Variants in FZD3 observed in about 807,000 individuals in gnomAD.
The protein encoded by FZD3 is frizzled class receptor 3, also known as frizzled-3.
FZD3 carries 30 observed loss-of-function variants against 60.7 expected under a neutral mutation model. That is an observed-to-expected ratio of 0.49 (90% CI 0.37 to 0.67). The LOEUF is 0.67. Among genes scored for constraint, FZD3 ranks in the 30% least tolerant of loss-of-function variants. FZD3 has a pLI of 0.00. For synonymous variants in FZD3, 246 were observed against 275.2 expected (o/e 0.89, Z 1.05); for missense variants, 605 against 838.7 (o/e 0.72, Z 3.44).
chr8:28,512,583 G>A (rs1390146637), intron 3 of FZD3, among the ~76,000 whole-genome samples: 1 of 151,834 alleles, frequency 6.6e-6, no homozygotes, highest in African/African-American at 2.4e-5. Context: ...AGTAAAACTA[G>A]TAAAGAAATT....
intron 6 of FZD3, 113 bp from the exon 7 acceptor site, chr8:28,555,625 C>G: frequency 1.5e-6 from 1 of 684,224 alleles, no homozygotes. Context: ...TCCTATAGAT[C>G]TAATTTGGCA....
At chr8:28,543,270 A>G (rs935129985) in intron 5 of FZD3, among the ~76,000 whole-genome samples, 3 of 151,788 alleles carry the variant, frequency 2.0e-5, no homozygotes, top group African/African-American at 4.8e-5. Context: ...ACAAATAATT[A>G]TTTTTCTTCA....
At chr8:28,556,978 A>T (rs1199003784) in intron 7 of FZD3, among the ~76,000 whole-genome samples, 2 of 152,170 alleles carry the variant, frequency 1.3e-5, no homozygotes, top group African/African-American at 4.8e-5. Flanking sequence ...CTTTTGAGAG[A>T]TGATAAAGGC....
At chr8:28,555,054 T>C (rs1375237932) in intron 6 of FZD3, among the ~76,000 whole-genome samples, 2 of 152,188 alleles carry the variant, frequency 1.3e-5, no homozygotes, top group African/African-American at 4.8e-5. Context: ...AGTTAAAATT[T>C]TTTGTTCTTA....
intron 5 of FZD3, among the ~76,000 whole-genome samples, chr8:28,547,794 G>A (rs1805327828): frequency 6.6e-6 from 1 of 150,750 alleles, no homozygotes; most frequent in African/African-American, 2.4e-5. Flanking sequence ...ATTGTCTTTT[G>A]GCTGTTGTTA....
chr8:28,508,266 G>A (rs1326694914), intron 3 of FZD3, among the ~76,000 whole-genome samples: 11 of 151,894 alleles, frequency 7.2e-5, no homozygotes, highest in East Asian at 1.9e-4. Context: ...ATTCAAGCTC[G>A]CTTCATAAAA....
intron 5 of FZD3, among the ~76,000 whole-genome samples, chr8:28,530,161 T>C (rs1804831355): frequency 6.6e-6 from 1 of 150,950 alleles, no homozygotes; most frequent in South Asian, 2.1e-4. Context: ...ATTAATAGTG[T>C]TTTCTGAGAA....
chr8:28,515,485 T>C (rs1377446019), intron 3 of FZD3, among the ~76,000 whole-genome samples: 1 of 152,250 alleles, frequency 6.6e-6, no homozygotes, highest in Non-Finnish European at 1.5e-5. Flanking sequence ...GGCATACTTC[T>C]GTGTCTTCTC....
rs1805759872 is a variant in FZD3, at chr8:28,569,196, C to A, written c.*6185C>A. On this transcript the variant is annotated 3_prime_UTR_variant, in exon 8 of 8. Transcript: ENST00000240093. ...TGTGCTTATTGGTTTTTTTTTTTAA[C>A]TTAGAGCTTAATAATTTCTATTTTC... 7.0e-6 allele frequency: 1 copy of A among 143,634 alleles called. No homozygotes were observed. Among genetic ancestry groups the A allele is most frequent in the Non-Finnish European group, 1.5e-5 (1 of 65,768 alleles). 8.9% of individuals were successfully genotyped at this position (143,634 alleles called of 1,614,324 possible).
At chr8:28,516,613 A>T (rs1406469085) in intron 3 of FZD3, among the ~76,000 whole-genome samples, 2 of 152,134 alleles carry the variant, frequency 1.3e-5, no homozygotes, top group African/African-American at 4.8e-5. Flanking sequence ...ACATTGGATA[A>T]ATTTATTCCT....
chr8:28,569,570 T>C lies in FZD3; in HGVS notation c.*6559T>C, dbSNP rs916126237. On this transcript the variant is annotated 3_prime_UTR_variant, in exon 8 of 8. Coordinates refer to ENST00000240093, the MANE Select transcript of FZD3 (RefSeq NM_017412.4). ...TATTCATCCCATGAACTAGATCAAC[T>C]TGTATTATTTTACTAGATCAACCTG... 2 of 152,164 alleles carry C rather than the reference T, an allele frequency of 1.3e-5. No homozygotes were observed. Among genetic ancestry groups the C allele is most frequent in the Admixed American group, 1.3e-4 (2 of 15,272 alleles). The allele number at this position is 152,164 out of a possible 1,614,324, so 9.4% of individuals were successfully genotyped here. A position where few individuals can be genotyped will look rare whatever the true frequency, so the allele number is the denominator to read the frequency against.
At chr8:28,513,997 G>C (rs1049402753) in intron 3 of FZD3, among the ~76,000 whole-genome samples, 1 of 152,164 alleles carries the variant, frequency 6.6e-6, no homozygotes, top group African/African-American at 2.4e-5. Flanking sequence ...TAGCACAAAG[G>C]CTTGGTTGAT....
chr8:28,561,249 G>A (rs550491960), intron 7 of FZD3, among the ~76,000 whole-genome samples: 2 of 152,010 alleles, frequency 1.3e-5, no homozygotes, highest in African/African-American at 4.8e-5. Context: ...TAGAGACAGG[G>A]TTTTACCACA....
At position 28,568,281 on chromosome 8, in the gene FZD3, C is replaced by T. The variant is rs79657097; in HGVS notation, c.*5270C>T. The T allele has an allele frequency of 6.6e-5, 10 of 152,218 alleles. No homozygotes were observed. The highest frequency in any genetic ancestry group is 5.9e-4 in the Admixed American group (9 of 15,282). 9.4% of individuals were successfully genotyped at this position (152,218 alleles called of 1,614,324 possible). ...TTCCTAGTAGCTGTATAATCTTACA[C>T]ATTATTCTTATATAATTTTGACCTA... On this transcript the variant is annotated 3_prime_UTR_variant, in exon 8 of 8. Coordinates refer to ENST00000240093, the MANE Select transcript of FZD3 (RefSeq NM_017412.4).
chr8:28,494,799 C>CGG (rs1254111989), intron 1 of FZD3, among the ~76,000 whole-genome samples: 3 of 149,994 alleles, frequency 2.0e-5, no homozygotes, highest in Non-Finnish European at 3.0e-5. Context: ...CGCGGGGTGC[C>CGG]GGGGGCCGTA....
intron 5 of FZD3, 21 bp downstream of exon 5, chr8:28,528,185 A>G (rs1417767600): frequency 6.4e-7 from 1 of 1,553,004 alleles, no homozygotes; most frequent in Non-Finnish European, 8.8e-7. Flanking sequence ...CCTTGTTACA[A>G]ATTTCAGAAT....
At chr8:28,510,988 G>T (rs1052794638) in intron 3 of FZD3, among the ~76,000 whole-genome samples, 3 of 152,110 alleles carry the variant, frequency 2.0e-5, no homozygotes, top group African/African-American at 7.2e-5. Context: ...AGTGAGCCGA[G>T]ATCATGCCAC....
intron 2 of FZD3, among the ~76,000 whole-genome samples, chr8:28,502,014 G>T (rs768104310): frequency 1.1e-4 from 16 of 152,068 alleles, no homozygotes; most frequent in Non-Finnish European, 2.4e-4. Flanking sequence ...AATGTCTAAC[G>T]CTTCATACTG....
Position 28,494,736 on chromosome 8 carries a change from C to G in FZD3, c.-391+393C>G, listed in dbSNP as rs966542303. On this transcript the variant is annotated intron_variant, in intron 1 of 7. Transcript: ENST00000240093. ...GGACCGCGGTTCGCTCGCCTCTACC[C>G]CGGCTCAGACCCTGCGCGGCGGAGA... Among the ~76,000 whole-genome samples the G allele has an allele frequency of 3.3e-5, 5 of 152,082 alleles. No homozygotes were observed. The East Asian group carries it at 9.7e-4, about 30-fold the overall frequency.
Sources: gnomAD v4.1 joint callset for allele counts (sites outside exome capture counted in the v4.1 genomes callset) on GRCh38, gnomAD v4.1.1 for gene constraint, MANE v1.5 for transcripts, NCBI Gene and HGNC (gene_info 2026-07-23, HGNC 2026-07-21) for gene names.